SIN3B: variants seen among roughly 807,000 people sequenced by gnomAD.
The protein encoded by SIN3B is SIN3 transcription regulator family member B.
A neutral mutation model predicts 120.2 loss-of-function variants in SIN3B; 19 were observed. The ratio of observed to expected loss-of-function variants is 0.16; its 90% CI spans 0.11 to 0.23. The LOEUF is 0.23. SIN3B is among the 10% of genes least tolerant of loss of function. The pLI is 1.00. For synonymous variants in SIN3B, 654 were observed against 653.2 expected (o/e 1.00, Z -0.02); for missense variants, 1,073 against 1,573.0 (o/e 0.68, Z 5.38).
At chr19:16,842,115 T>C in intron 4 of SIN3B, 147 bp downstream of exon 4, 2 of 773,828 alleles carry the variant, frequency 2.6e-6, no homozygotes, top group Non-Finnish European at 4.1e-6. Flanking sequence ...TTTCTTAGAG[T>C]CTGGCTCTGT....
At chr19:16,853,569 G>A (rs914308884) in intron 7 of SIN3B, among the ~76,000 whole-genome samples, 10 of 151,912 alleles carry the variant, frequency 6.6e-5, no homozygotes, top group African/African-American at 2.4e-4. Context: ...CATGGATCAC[G>A]TGCACGGGCT....
In SIN3B at chr19:16,829,501, T is replaced by A; in HGVS notation, c.81T>A (p.Gly27=). ...GGGGGCTGAGCGGCGCCCGCTGGGG[T>A]CGCTCGGGCTCCGCAGGCCACGAGA... ...AGRGLSGARW[G]RSGSAGHEKL... Residue 27 remains glycine (G), a synonymous_variant, in exon 1 of 19, where the codon GGT becomes GGA. Transcript: ENST00000248054. 1.6e-6 allele frequency: 2 copies of A among 1,223,334 alleles called. No homozygotes were observed. Among genetic ancestry groups the A allele is most frequent in the Non-Finnish European group, 2.0e-6 (2 of 982,480 alleles). The allele number at this position is 1,223,334 out of a possible 1,614,324, so 75.8% of individuals were successfully genotyped here.
At chr19:16,870,178 T>C (rs2051491870) in intron 13 of SIN3B, 103 bp downstream of exon 13, 2 of 1,255,466 alleles carry the variant, frequency 1.6e-6, no homozygotes, top group Non-Finnish European at 1.1e-6. Flanking sequence ...TGGCTTTTCA[T>C]TTTAAGAGAA....
intron 10 of SIN3B, 95 bp from the exon 11 acceptor site, chr19:16,865,315 C>G (rs954871360): frequency 2.7e-5 from 15 of 550,740 alleles, no homozygotes; most frequent in Admixed American, 9.7e-5. Flanking sequence ...CACCCCCCCC[C>G]CAAAAAAATC....
intron 3 of SIN3B, among the ~76,000 whole-genome samples, chr19:16,834,913 CTTTT>C (rs1175988531): frequency 2.0e-5 from 3 of 150,676 alleles, no homozygotes; most frequent in Non-Finnish European, 4.4e-5. Flanking sequence ...TTCTTTCTTT[CTTTT>C]CTTTCTTTTT....
intron 5 of SIN3B, among the ~76,000 whole-genome samples, chr19:16,850,544 G>C (rs920032863): frequency 8.5e-5 from 13 of 152,068 alleles, no homozygotes; most frequent in Admixed American, 2.0e-4. Context: ...GATTTGTTCA[G>C]ATGCACCATG....
At chr19:16,863,207 G>A (rs949700657) in intron 9 of SIN3B, 14 of 538,938 alleles carry the variant, frequency 2.6e-5, no homozygotes, top group South Asian at 4.7e-5. Context: ...TCGGCCCTCC[G>A]GATCTGCAAG....
chr19:16,849,195 G>A (rs1458496503), intron 5 of SIN3B, among the ~76,000 whole-genome samples: 2 of 152,208 alleles, frequency 1.3e-5, no homozygotes, highest in African/African-American at 4.8e-5. Context: ...AAACCAAGAT[G>A]AAATTTGGCA....
In SIN3B at chr19:16,876,020, C is replaced by T. The variant is rs755528576; in HGVS notation, c.2593-35C>T. 13 of 1,526,904 alleles carry T rather than the reference C, an allele frequency of 8.5e-6. No individual in the cohort carries two copies. In the Middle Eastern group the frequency reaches 5.4e-4, roughly 63 times the overall value. The allele number at this position is 1,526,904 out of a possible 1,614,324, so 94.6% of individuals were successfully genotyped here. A position where few individuals can be genotyped will look rare whatever the true frequency, so the allele number is the denominator to read the frequency against. ...GTGAGGTGGGGACTCCCGCAGGAGG[C>T]GGGGTGGCCGCACCACCTGCTTTCC... On this transcript the variant is annotated intron_variant, in intron 14 of 18. Transcript: ENST00000248054. This position sits in a 1 kb window ranked among gnomAD's most constrained non-coding sequence, Gnocchi z 7.1.
intron 16 of SIN3B, chr19:16,877,140 T>C: frequency 4.3e-6 from 1 of 234,632 alleles, no homozygotes; most frequent in Non-Finnish European, 8.4e-6. Context: ...ATTCATTTCC[T>C]GGGGCTACCA....
intron 2 of SIN3B, among the ~76,000 whole-genome samples, chr19:16,830,253 C>T (rs1971262702): frequency 6.6e-6 from 1 of 152,152 alleles, no homozygotes; most frequent in African/African-American, 2.4e-5. Context: ...TTTTCAAGCG[C>T]TGTAAAATGT....
chr19:16,871,091 A>T, intron 13 of SIN3B, 138 bp from the exon 14 acceptor site: 1 of 1,055,698 alleles, frequency 9.5e-7, no homozygotes, highest in Non-Finnish European at 1.4e-6. Flanking sequence ...GGTGATTCCC[A>T]CATTTGCCCC....
chr19:16,834,655 C>G (rs1971322548), intron 3 of SIN3B, among the ~76,000 whole-genome samples: 1 of 152,150 alleles, frequency 6.6e-6, no homozygotes, highest in Non-Finnish European at 1.5e-5. Context: ...TCGGGGGCCC[C>G]TGGGAGCCCA....
chr19:16,839,822 GCCTGGC>G (rs1377460118), intron 3 of SIN3B, among the ~76,000 whole-genome samples: 1 of 152,122 alleles, frequency 6.6e-6, no homozygotes, highest in Non-Finnish European at 1.5e-5. Context: ...AGCGAGACCA[GCCTGGC>G]CAATATGGTG....
intron 14 of SIN3B, chr19:16,871,627 G>C: frequency 2.0e-6 from 1 of 495,732 alleles, no homozygotes; most frequent in South Asian, 2.6e-5. Context: ...TCTAGTTCCA[G>C]AACATTTCAT....
At chr19:16,847,675 G>A (rs1971496396) in intron 5 of SIN3B, among the ~76,000 whole-genome samples, 1 of 152,222 alleles carries the variant, frequency 6.6e-6, no homozygotes, top group Admixed American at 6.5e-5. Flanking sequence ...CCTGCCTGTG[G>A]CCTGAAGCTG....
intron 14 of SIN3B, 40 bp downstream of exon 14, chr19:16,871,438 G>T (rs930731793): frequency 7.1e-6 from 11 of 1,554,774 alleles, no homozygotes; most frequent in Non-Finnish European, 9.6e-6. Context: ...GAGGACGGCG[G>T]AAATGGCTCT....
rs922133372 is a variant in SIN3B, at chr19:16,870,202, A to G, written c.2422+127A>G. 4.4e-5 allele frequency: 51 copies of G among 1,150,648 alleles called. No homozygotes were observed. The African/African-American group carries it at 5.8e-4, about 13-fold the overall frequency. 71.3% of individuals were successfully genotyped at this position (1,150,648 alleles called of 1,614,324 possible). A position where few individuals can be genotyped will look rare whatever the true frequency, so the allele number is the denominator to read the frequency against. On this transcript the variant is annotated intron_variant, in intron 13 of 18. Coordinates refer to ENST00000248054, the MANE Select transcript of SIN3B (RefSeq NM_001297595.2). ...ATTTTAAGAGAATTCTGTGATTTCA[A>G]ATGGGAAATTGCAAACAGGAAGTTG... is the stretch of plus-strand genomic sequence containing the variant.
intron 8 of SIN3B, among the ~76,000 whole-genome samples, chr19:16,858,433 C>T (rs529978950): frequency 6.6e-6 from 1 of 152,288 alleles, no homozygotes; most frequent in South Asian, 2.1e-4. Context: ...GTCACGGCCT[C>T]AGAGTGATGA....
Sources: allele counts gnomAD v4.1 joint callset (sites outside exome capture counted in the v4.1 genomes callset), GRCh38; gene constraint gnomAD v4.1.1; non-coding constraint Gnocchi (gnomAD v3.1); transcripts MANE v1.5; gene names NCBI Gene and HGNC (gene_info 2026-07-23, HGNC 2026-07-21).